Variants in ZNF525 observed in about 807,000 individuals in gnomAD.
The protein encoded by ZNF525 is zinc finger protein 525.
ZNF525 carries 33 observed loss-of-function variants against 37.6 expected under a neutral mutation model. That is an observed-to-expected ratio of 0.88 (90% CI 0.67 to 1.17). The LOEUF (loss-of-function observed/expected upper bound fraction) is 1.17. Ranked by LOEUF, ZNF525 falls within the 50% of genes most tolerant of loss-of-function variation. ZNF525 has a pLI of 0.00. For synonymous variants in ZNF525, 170 were observed against 182.3 expected (o/e 0.93, Z 0.54); for missense variants, 449 against 543.1 (o/e 0.83, Z 1.72).
Position 53,382,790 on chromosome 19 carries a change from C to T in ZNF525, c.*771C>T, listed in dbSNP as rs1471363482. The T allele has an allele frequency of 1.5e-5, 16 of 1,084,858 alleles. No homozygotes were observed. Among genetic ancestry groups the T allele is most frequent in the African/African-American group, 3.1e-5 (2 of 63,510 alleles). 67.2% of individuals were successfully genotyped at this position (1,084,858 alleles called of 1,614,324 possible). On this transcript the variant is annotated 3_prime_UTR_variant, in exon 4 of 4. Coordinates refer to ENST00000474037, the MANE Select transcript of ZNF525 (RefSeq NM_001348156.2). The stretch of plus-strand genomic sequence containing the variant: ...TCGTTCATACCTTGCAGTTCACGGG[C>T]GAACTCATGCTGGAGAGAAACCTTA...
chr19:53,382,873 G>C lies in ZNF525; in HGVS notation c.*854G>C. On this transcript the variant is annotated 3_prime_UTR_variant, in exon 4 of 4. Transcript: ENST00000474037. ...TCAAATCAAACCTTGAAAGTCATAGGAGAATTCATACTAGAGAGAAACCTT... is the reference window on the plus strand; with the variant it reads ...TCAAATCAAACCTTGAAAGTCATAGCAGAATTCATACTAGAGAGAAACCTT... The C allele has an allele frequency of 7.3e-7, 1 of 1,376,266 alleles. No homozygotes were observed. The highest frequency in any genetic ancestry group is 1.0e-6 in the Non-Finnish European group (1 of 973,376). The allele number at this position is 1,376,266 out of a possible 1,614,324, so 85.3% of individuals were successfully genotyped here.
At chr19:53,369,226 G>A (rs1380031182) in intron 1 of ZNF525, among the ~76,000 whole-genome samples, 1 of 152,008 alleles carries the variant, frequency 6.6e-6, no homozygotes, top group East Asian at 1.9e-4. Context: ...CACAAATTGA[G>A]TAGATTGTCT....
intron 3 of ZNF525, among the ~76,000 whole-genome samples, chr19:53,377,375 C>G (rs2085529673): frequency 6.6e-6 from 1 of 151,758 alleles, no homozygotes; most frequent in African/African-American, 2.4e-5. Flanking sequence ...GGGATTTCTC[C>G]TTTTTGGTCA....
chr19:53,386,361 T>A lies in ZNF525; in HGVS notation c.*4342T>A. The A allele has an allele frequency of 1.2e-6, 1 of 851,988 alleles. No homozygotes were observed. Among genetic ancestry groups the A allele is most frequent in the Admixed American group, 1.7e-5 (1 of 57,472 alleles). The allele number at this position is 851,988 out of a possible 1,614,324, so 52.8% of individuals were successfully genotyped here. On this transcript the variant is annotated 3_prime_UTR_variant, in exon 4 of 4. Coordinates refer to ENST00000474037, the MANE Select transcript of ZNF525 (RefSeq NM_001348156.2). ...TCAGGTACGACTCCAAAAGGAGACA[T>A]TGGAGAAGAACCAAGCTGGGTCTAT...
intron 3 of ZNF525, among the ~76,000 whole-genome samples, chr19:53,378,152 G>C (rs577397786): frequency 6.6e-6 from 1 of 151,998 alleles, no homozygotes; most frequent in African/African-American, 2.4e-5. Flanking sequence ...GTGAAACCTC[G>C]AATCTACTAA....
At chr19:53,372,915 A>G (rs963240020) in intron 2 of ZNF525, among the ~76,000 whole-genome samples, 1 of 152,266 alleles carries the variant, frequency 6.6e-6, no homozygotes, top group African/African-American at 2.4e-5. Context: ...CATTTGCAGC[A>G]TATTAAGCTC....
At chr19:53,370,978 C>T (rs939117523) in intron 1 of ZNF525, among the ~76,000 whole-genome samples, 4 of 152,232 alleles carry the variant, frequency 2.6e-5, no homozygotes, top group Non-Finnish European at 5.9e-5. Context: ...ATTTGCTTTT[C>T]GCTTTTCCCA....
At chr19:53,370,610 G>A (rs1407201185) in intron 1 of ZNF525, among the ~76,000 whole-genome samples, 1 of 152,048 alleles carries the variant, frequency 6.6e-6, no homozygotes, top group Non-Finnish European at 1.5e-5. Flanking sequence ...ATGTCTGGGT[G>A]TGGCTTTTCT....
At chr19:53,373,954 C>G (rs1238743856) in intron 2 of ZNF525, among the ~76,000 whole-genome samples, 2 of 152,100 alleles carry the variant, frequency 1.3e-5, no homozygotes, top group Non-Finnish European at 2.9e-5. Context: ...GGTATTAAGC[C>G]CAACTGCAAC....
rs1235733408 is a variant in ZNF525, at chr19:53,383,493, T to G, written c.*1474T>G. The stretch of plus-strand genomic sequence containing the variant: ...GAGAGAAACCATAAAAATGTAAGAG[T>G]TTTTGACAAGGCTTTCGGACGTGAT... On this transcript the variant is annotated 3_prime_UTR_variant, in exon 4 of 4. Coordinates refer to ENST00000474037, the MANE Select transcript of ZNF525 (RefSeq NM_001348156.2). The G allele has an allele frequency of 1.8e-6, 2 of 1,128,366 alleles. No homozygotes were observed. Among genetic ancestry groups the G allele is most frequent in the Non-Finnish European group, 1.3e-6 (1 of 785,796 alleles). The allele number at this position is 1,128,366 out of a possible 1,614,324, so 69.9% of individuals were successfully genotyped here.
intron 3 of ZNF525, among the ~76,000 whole-genome samples, chr19:53,376,964 G>A (rs374569034): frequency 1.3e-4 from 20 of 152,206 alleles, no homozygotes; most frequent in African/African-American, 4.6e-4. Flanking sequence ...GTGAGACTCT[G>A]TCTCAAAGAA....
At chr19:53,366,783 C>A (rs532170927) in intron 1 of ZNF525, among the ~76,000 whole-genome samples, 3 of 134,802 alleles carry the variant, frequency 2.2e-5, no homozygotes, top group African/African-American at 8.6e-5. Flanking sequence ...ATCTGGGGTG[C>A]CAGAGAGTGG....
intron 1 of ZNF525, among the ~76,000 whole-genome samples, chr19:53,366,383 G>A (rs557399581): frequency 6.6e-6 from 1 of 150,866 alleles, no homozygotes; most frequent in South Asian, 2.1e-4. Flanking sequence ...GGATGCAGGC[G>A]TCTTACTCCA....
intron 1 of ZNF525, among the ~76,000 whole-genome samples, chr19:53,366,778 G>T (rs890979715): frequency 7.2e-6 from 1 of 139,176 alleles, no homozygotes; most frequent in African/African-American, 2.8e-5. Context: ...TGGGGATCTG[G>T]GGTGCCAGAG....
Position 53,371,183 on chromosome 19 carries a change from A to G in ZNF525, c.-67-1032A>G, listed in dbSNP as rs140932900. On this transcript the variant is annotated intron_variant, in intron 1 of 3. Coordinates refer to ENST00000474037, the MANE Select transcript of ZNF525 (RefSeq NM_001348156.2). ...CTCAGGTTTTATTATCTCTGCATCA[A>G]TCACATCAGAAACGCTTTTTTTTTT... Among the ~76,000 whole-genome samples, 969 of 147,858 alleles carry G rather than the reference A, an allele frequency of 6.6e-3. 10 individuals are homozygous for G. The highest frequency in any genetic ancestry group is 0.022 in the African/African-American group (908 of 40,522).
chr19:53,368,294 A>C (rs2085462385), intron 1 of ZNF525, among the ~76,000 whole-genome samples: 1 of 152,124 alleles, frequency 6.6e-6, no homozygotes, highest in Non-Finnish European at 1.5e-5. Context: ...AGTTTGGATG[A>C]GGTGATCTGG....
Position 53,383,879 on chromosome 19 carries a change from C to T in ZNF525, c.*1860C>T, listed in dbSNP as rs887705392. On this transcript the variant is annotated 3_prime_UTR_variant, in exon 4 of 4. Coordinates refer to ENST00000474037, the MANE Select transcript of ZNF525 (RefSeq NM_001348156.2). ...TCATCTTTTGCAAAACAGGAGAATT[C>T]ATACAGGAGAGAAACCTCACAAGTG... 16 of 601,172 alleles carry T rather than the reference C, an allele frequency of 2.7e-5. No homozygotes were observed. The African/African-American group carries it at 3.0e-4, about 11-fold the overall frequency. 37.2% of individuals were successfully genotyped at this position (601,172 alleles called of 1,614,324 possible).
chr19:53,376,188 T>C (rs1377736379), intron 3 of ZNF525: 8 of 747,618 alleles, frequency 1.1e-5, no homozygotes, highest in Non-Finnish European at 1.9e-5. Context: ...GCTCAAGACA[T>C]CCTCCTCGGC....
intron 3 of ZNF525, among the ~76,000 whole-genome samples, chr19:53,376,641 G>C (rs547344049): frequency 6.6e-6 from 1 of 152,128 alleles, no homozygotes; most frequent in African/African-American, 2.4e-5. Flanking sequence ...GCAGTGGGGC[G>C]ATCTTGGCTC....
Sources: allele counts gnomAD v4.1 joint callset (sites outside exome capture counted in the v4.1 genomes callset), GRCh38; gene constraint gnomAD v4.1.1; transcripts MANE v1.5; gene names NCBI Gene and HGNC (gene_info 2026-07-23, HGNC 2026-07-21).